Variants in SLC38A6 observed in about 807,000 individuals in gnomAD.
SLC38A6 encodes the protein solute carrier family 38 member 6, also known as N system amino acid transporter NAT-1.
SLC38A6 carries 73 observed loss-of-function variants against 65.0 expected under a neutral mutation model. That is an observed-to-expected ratio of 1.12 (90% CI 0.93 to 1.37). The LOEUF (loss-of-function observed/expected upper bound fraction) is 1.37, where lower values mean the gene tolerates loss of function less well. SLC38A6 is among the 40% of genes most tolerant of loss of function. The probability of loss-of-function intolerance (pLI) is 0.00; values close to 1 mark genes in which losing one functional copy is unlikely to be tolerated. For missense variants in SLC38A6, 561 were observed against 531.1 expected (o/e 1.06, Z -0.55); for synonymous variants, 183 against 178.8 (o/e 1.02, Z -0.19).
At chr14:61,025,164 C>A (rs552801545) in intron 5 of SLC38A6, among the ~76,000 whole-genome samples, 1 of 152,122 alleles carries the variant, frequency 6.6e-6, no homozygotes, top group Admixed American at 6.5e-5. Flanking sequence ...ACTCGGGTAA[C>A]CCCATTTCTA....
chr14:60,996,901 T>TATAGAACTA (rs1459088942), intron 3 of SLC38A6, among the ~76,000 whole-genome samples: 1 of 152,212 alleles, frequency 6.6e-6, no homozygotes, highest in African/African-American at 2.4e-5. Context: ...GCCAAACTGT[T>TATAGAACTA]GCTTAAGTGT....
Position 61,039,857 on chromosome 14 carries a change from CTAT to C in SLC38A6, c.624+2179_624+2181del, listed in dbSNP as rs565622023. 4.7e-4 allele frequency among the ~76,000 whole-genome samples: 71 copies of C among 151,900 alleles called. 2 individuals are homozygous for C. In the South Asian group the frequency reaches 0.014, roughly 31 times the overall value. ...TATTTTTTAAAAATCAGTTCAGGAA[CTAT>C]TATTTTCTTATATTCTTTGAATAAT... On this transcript the variant is annotated intron_variant, in intron 8 of 15. Transcript: ENST00000267488.
chr14:61,006,359 A>G (rs2039118763), intron 3 of SLC38A6, among the ~76,000 whole-genome samples: 2 of 152,238 alleles, frequency 1.3e-5, no homozygotes, highest in Non-Finnish European at 2.9e-5. Context: ...GCTTCTTCAC[A>G]GCAAAAGAAA....
chr14:61,024,614 T>G (rs1461323865), intron 5 of SLC38A6, among the ~76,000 whole-genome samples: 2 of 152,262 alleles, frequency 1.3e-5, no homozygotes, highest in Non-Finnish European at 2.9e-5. Flanking sequence ...TTTCACATAG[T>G]TCCTGTAACA....
downstream of SLC38A6, among the ~76,000 whole-genome samples, chr14:61,055,261 TC>T (rs1399415722): frequency 3.2e-5 from 2 of 62,430 alleles, no homozygotes; most frequent in Non-Finnish European, 6.5e-5. Flanking sequence ...ATGCTATCCC[TC>T]CCCCCTCCCC....
chr14:61,042,792 A>G (rs569102622), intron 8 of SLC38A6, among the ~76,000 whole-genome samples: 42 of 152,098 alleles, frequency 2.8e-4, no homozygotes, highest in African/African-American at 9.9e-4. Context: ...ACTAATACCT[A>G]CTCTACAAAT....
chr14:61,006,738 G>A (rs1228253802), intron 3 of SLC38A6, among the ~76,000 whole-genome samples: 1 of 152,012 alleles, frequency 6.6e-6, no homozygotes, highest in East Asian at 1.9e-4. Flanking sequence ...CTGTAAACTA[G>A]TTCAACCATT....
At chr14:61,028,327 A>C (rs1412686882) in intron 5 of SLC38A6, among the ~76,000 whole-genome samples, 2 of 152,166 alleles carry the variant, frequency 1.3e-5, no homozygotes, top group East Asian at 3.8e-4. Flanking sequence ...ATTTTATAGG[A>C]AGTCTGCTTT....
intron 15 of SLC38A6, among the ~76,000 whole-genome samples, chr14:61,068,214 T>A (rs1011848043): frequency 2.6e-5 from 4 of 152,120 alleles, no homozygotes; most frequent in African/African-American, 9.7e-5. Flanking sequence ...ACTACAGTTT[T>A]CTCATATCTG....
intron 15 of SLC38A6, among the ~76,000 whole-genome samples, chr14:61,065,227 T>G (rs1195432737): frequency 6.6e-6 from 1 of 152,284 alleles, no homozygotes; most frequent in Non-Finnish European, 1.5e-5. Context: ...ATCCAGCAAT[T>G]CCATATCTGG....
At chr14:61,045,305 A>G (rs1357335672) in intron 10 of SLC38A6, 41 bp from the exon 11 acceptor site, 1 of 1,236,108 alleles carries the variant, frequency 8.1e-7, no homozygotes, top group East Asian at 2.3e-5. Context: ...GTTTCAGTAG[A>G]GTGGCATTTA....
intron 1 of SLC38A6, chr14:60,981,811 A>C: frequency 9.9e-7 from 1 of 1,014,046 alleles, no homozygotes; most frequent in South Asian, 1.4e-5. Flanking sequence ...ATTTTAATAC[A>C]GAAATTCTTA....
At chr14:60,987,477 T>C (rs2037540959) in intron 3 of SLC38A6, 1 of 152,308 alleles carries the variant, frequency 6.6e-6, no homozygotes, top group Non-Finnish European at 1.5e-5. Context: ...TGAGGTGGAA[T>C]GTAAAGAACC....
intron 5 of SLC38A6, among the ~76,000 whole-genome samples, chr14:61,023,789 A>G (rs2040471272): frequency 6.6e-6 from 1 of 152,052 alleles, no homozygotes; most frequent in African/African-American, 2.4e-5. Context: ...CAAAATGACC[A>G]TGGATTGCCC....
At chr14:61,079,464 A>G (rs1210768758) in intron 16 of SLC38A6, among the ~76,000 whole-genome samples, 1 of 151,754 alleles carries the variant, frequency 6.6e-6, no homozygotes, top group Non-Finnish European at 1.5e-5. Context: ...TGCACAAACC[A>G]TTCATGTTGT....
intron 5 of SLC38A6, among the ~76,000 whole-genome samples, chr14:61,019,959 G>A (rs778202138): frequency 1.3e-5 from 2 of 152,102 alleles, no homozygotes; most frequent in African/African-American, 2.4e-5. Flanking sequence ...AGGGATTAGT[G>A]TTCCGTGGGC....
chr14:61,063,610 A>G lies in SLC38A6; in HGVS notation c.1290+11475A>G, dbSNP rs183178913. The stretch of plus-strand genomic sequence containing the variant: ...AATTGCATGCAAAGTGCCGGTTTTC[A>G]TATATGGAAATACACTCTTTTGCAG... On this transcript the variant is annotated intron_variant, in intron 15 of 16. Transcript: ENST00000354886. Among the ~76,000 whole-genome samples, 8 of 152,326 alleles carry G rather than the reference A, an allele frequency of 5.3e-5. No homozygotes were observed. The East Asian group carries it at 1.5e-3, about 29-fold the overall frequency.
chr14:60,989,449 TGTG>T (rs1160312208), intron 3 of SLC38A6, among the ~76,000 whole-genome samples: 1 of 152,048 alleles, frequency 6.6e-6, no homozygotes, highest in Non-Finnish European at 1.5e-5. Flanking sequence ...CCAGGCCAGG[TGTG>T]GTGTCTCATG....
intron 3 of SLC38A6, among the ~76,000 whole-genome samples, chr14:61,013,993 C>G (rs952642150): frequency 1.3e-5 from 2 of 152,176 alleles, no homozygotes; most frequent in African/African-American, 2.4e-5. Flanking sequence ...CAACTTAGTT[C>G]CATTCTCCCT....
Sources: allele counts gnomAD v4.1 joint callset (sites outside exome capture counted in the v4.1 genomes callset), GRCh38; gene constraint gnomAD v4.1.1; transcripts MANE v1.5; gene names NCBI Gene and HGNC (gene_info 2026-07-23, HGNC 2026-07-21).